CHST9: variants seen among roughly 807,000 people sequenced by gnomAD.
CHST9 encodes carbohydrate sulfotransferase 9.
In CHST9, 41 loss-of-function variants were observed where a neutral mutation model predicts 44.4. The ratio of observed to expected loss-of-function variants is 0.92; its 90% confidence interval spans 0.72 to 1.20. The LOEUF is 1.20. CHST9 is among the 50% of genes most tolerant of loss of function. The pLI is 0.00. For missense variants in CHST9, 504 were observed against 516.5 expected, an observed-to-expected ratio of 0.98 and a Z score of 0.23; for synonymous variants, 171 against 178.4, an observed-to-expected ratio of 0.96 and a Z score of 0.33.
At chr18:26,950,546 A>G (rs1324329757) in intron 4 of CHST9, among the ~76,000 whole-genome samples, 1 of 152,216 alleles carries the variant, frequency 6.6e-6, no homozygotes. Context: ...CAGCCATAAA[A>G]TGGAATGAAA....
intron 4 of CHST9, among the ~76,000 whole-genome samples, chr18:26,982,275 G>C (rs2056700452): frequency 6.6e-6 from 1 of 150,620 alleles, no homozygotes; most frequent in Non-Finnish European, 1.5e-5. Flanking sequence ...AGTTAAAATA[G>C]TTTCTTAAAA....
chr18:27,025,596 G>A (rs2057276981), intron 3 of CHST9, among the ~76,000 whole-genome samples: 1 of 152,112 alleles, frequency 6.6e-6, no homozygotes, highest in South Asian at 2.1e-4. Flanking sequence ...CTGGTGTAAG[G>A]TACTGGCCAT....
chr18:26,954,350 G>T (rs1426347292), intron 4 of CHST9, among the ~76,000 whole-genome samples: 4 of 152,160 alleles, frequency 2.6e-5, no homozygotes, highest in Non-Finnish European at 5.9e-5. Context: ...TACAATGCAT[G>T]CTGTCTAACC....
rs1324365138 is a variant in CHST9 at position 26,910,298 on chromosome 18, A to G, written c.*5961T>C. The G allele has an allele frequency of 1.4e-5, 2 of 138,638 alleles. No homozygotes were observed. The highest frequency in any genetic ancestry group is 5.5e-5 in the African/African-American group (2 of 36,168). The allele number at this position is 138,638 out of a possible 1,614,324, so 8.6% of individuals were successfully genotyped here. A position where few individuals can be genotyped will look rare whatever the true frequency, so the allele number is the denominator to read the frequency against. On this transcript the variant is annotated 3_prime_UTR_variant, in exon 6 of 6. Coordinates refer to ENST00000618847, the MANE Select transcript of CHST9 (RefSeq NM_031422.6). The stretch of plus-strand genomic sequence containing the variant: ...CAAAGGGCAAGCAGCACTGTGAGCA[A>G]GGATATGGAAACCCGGAATGGGATA...
chr18:26,944,472 AC>A, intron 4 of CHST9, 106 bp from the exon 5 acceptor site: 4 of 771,092 alleles, frequency 5.2e-6, no homozygotes, highest in Non-Finnish European at 8.8e-6. Context: ...GTGGTCATGG[AC>A]TCTCTGAGCA....
chr18:27,138,750 C>T (rs925662515), intron 2 of CHST9, among the ~76,000 whole-genome samples: 1 of 152,094 alleles, frequency 6.6e-6, no homozygotes, highest in African/African-American at 2.4e-5. Context: ...ATATGACTAT[C>T]CTCATTTTAC....
rs118079772 is a variant in CHST9 at position 27,015,676 on chromosome 18, C to T, written c.202+8440G>A. 7.8e-3 allele frequency among the ~76,000 whole-genome samples: 1,189 copies of T among 152,284 alleles called. 10 individuals carry two copies. Among genetic ancestry groups the T allele is most frequent in the Admixed American group, 0.012 (186 of 15,302 alleles). ...GTAGGGGCTTCTATACTCCAATAGACTAGGCTGACCAAAGGGTAGAGGATT... is the reference window on the plus strand; with the variant it reads ...GTAGGGGCTTCTATACTCCAATAGATTAGGCTGACCAAAGGGTAGAGGATT... On this transcript the variant is annotated intron_variant, in intron 4 of 5. Transcript: ENST00000618847.
At chr18:26,957,515 A>T (rs972141413) in intron 4 of CHST9, among the ~76,000 whole-genome samples, 1 of 151,438 alleles carries the variant, frequency 6.6e-6, no homozygotes, top group African/African-American at 2.4e-5. Flanking sequence ...CTTAGCTACT[A>T]CCTTGATCCT....
At chr18:27,096,811 C>T (rs537247398) in intron 2 of CHST9, among the ~76,000 whole-genome samples, 1 of 151,920 alleles carries the variant, frequency 6.6e-6, no homozygotes. Context: ...GAAAAAAAAG[C>T]CTCAAGCCAG....
intron 4 of CHST9, among the ~76,000 whole-genome samples, chr18:26,991,686 G>GTTTATT (rs2056818695): frequency 1.5e-5 from 1 of 67,124 alleles, no homozygotes; most frequent in Non-Finnish European, 4.0e-5. Context: ...GAAAGCAGGA[G>GTTTATT]ACGATGGTGA....
intron 2 of CHST9, among the ~76,000 whole-genome samples, chr18:27,085,352 A>T (rs1017873062): frequency 6.6e-6 from 1 of 152,182 alleles, no homozygotes; most frequent in Non-Finnish European, 1.5e-5. Flanking sequence ...AATGGAAGAA[A>T]ATATTTGCAA....
chr18:27,002,735 G>A (rs1473833382), intron 4 of CHST9, among the ~76,000 whole-genome samples: 1 of 152,102 alleles, frequency 6.6e-6, no homozygotes, highest in African/African-American at 2.4e-5. Context: ...CCTATAATAA[G>A]ATGAGGAGCA....
At chr18:27,155,904 A>C (rs1598764063) in intron 1 of CHST9, among the ~76,000 whole-genome samples, 2 of 152,262 alleles carry the variant, frequency 1.3e-5, no homozygotes, top group South Asian at 4.1e-4. Flanking sequence ...AAATGGGAGA[A>C]TAAAGCAGGT....
At chr18:27,106,068 T>C (rs1311582742) in intron 2 of CHST9, among the ~76,000 whole-genome samples, 1 of 152,174 alleles carries the variant, frequency 6.6e-6, no homozygotes, top group African/African-American at 2.4e-5. Context: ...GAATGTAACT[T>C]ATATAGTTAG....
chr18:27,006,104 G>C (rs2057012736), intron 4 of CHST9, among the ~76,000 whole-genome samples: 1 of 152,156 alleles, frequency 6.6e-6, no homozygotes, highest in Non-Finnish European at 1.5e-5. Flanking sequence ...TACAGAGCTA[G>C]TTAAAAGGAA....
chr18:27,156,185 T>C (rs1278968897), intron 1 of CHST9, among the ~76,000 whole-genome samples: 1 of 148,574 alleles, frequency 6.7e-6, no homozygotes, highest in Non-Finnish European at 1.5e-5. Context: ...TGAAAAAAGA[T>C]GAACCTGAAA....
chr18:26,931,482 AAAGAAAAGACTTGCCCTTCTGGATT>A (rs1432030557), intron 5 of CHST9, among the ~76,000 whole-genome samples: 12 of 152,250 alleles, frequency 7.9e-5, no homozygotes, highest in African/African-American at 2.9e-4. Flanking sequence ...TGTAAAAACC[AAAGAAAAGACTTGCCCTTCTGGATT>A]AATTCACAGA....
At chr18:26,989,971 A>G (rs2056797574) in intron 4 of CHST9, among the ~76,000 whole-genome samples, 1 of 152,110 alleles carries the variant, frequency 6.6e-6, no homozygotes, top group African/African-American at 2.4e-5. Flanking sequence ...AAAAAAATAA[A>G]TAAAATTTAA....
chr18:26,947,495 C>T (rs1411572677), intron 4 of CHST9, among the ~76,000 whole-genome samples: 12 of 152,114 alleles, frequency 7.9e-5, no homozygotes, highest in Non-Finnish European at 1.6e-4. Flanking sequence ...AAAATGTTTG[C>T]AATCTATCCA....
Sources: gnomAD v4.1 joint callset for allele counts (sites outside exome capture counted in the v4.1 genomes callset) on GRCh38, gnomAD v4.1.1 for gene constraint, MANE v1.5 for transcripts, NCBI Gene and HGNC (gene_info 2026-07-23, HGNC 2026-07-21) for gene names.